FGF12: variants seen among roughly 807,000 people sequenced by gnomAD.
The protein encoded by FGF12 is fibroblast growth factor 12, also known as fibroblast growth factor 12B.
A neutral mutation model predicts 23.6 loss-of-function variants in FGF12; 14 were observed. The ratio of observed to expected loss-of-function variants is 0.59; its 90% CI spans 0.39 to 0.93. The LOEUF (loss-of-function observed/expected upper bound fraction) is 0.93, where lower values mean the gene tolerates loss of function less well. Ranked by LOEUF, FGF12 falls within the 40% of genes least tolerant of loss-of-function variation. FGF12 has a pLI of 0.00. For synonymous variants in FGF12, 62 were observed against 77.3 expected (o/e 0.80, Z 1.04); for missense variants, 175 against 217.8 (o/e 0.80, Z 1.24).
chr3:192,690,445 C>T (rs897867799), intron 2 of FGF12, among the ~76,000 whole-genome samples: 4 of 151,820 alleles, frequency 2.6e-5, no homozygotes, highest in Non-Finnish European at 5.9e-5. Flanking sequence ...AAAGCTTTGC[C>T]TGTGATCAAA....
chr3:192,196,271 A>T (rs1396469638), intron 4 of FGF12, among the ~76,000 whole-genome samples: 1 of 152,178 alleles, frequency 6.6e-6, no homozygotes, highest in Non-Finnish European at 1.5e-5. Flanking sequence ...GGATGAAAAA[A>T]GAGTCCATCA....
chr3:192,506,343 T>C (rs1253181692), intron 2 of FGF12, among the ~76,000 whole-genome samples: 1 of 152,190 alleles, frequency 6.6e-6, no homozygotes, highest in Non-Finnish European at 1.5e-5. Flanking sequence ...GAACATAGTT[T>C]ATTCTTTTTT....
At chr3:192,644,951 A>T (rs1460110485) in intron 2 of FGF12, among the ~76,000 whole-genome samples, 2 of 152,164 alleles carry the variant, frequency 1.3e-5, no homozygotes, top group African/African-American at 4.8e-5. Context: ...GCAGAATCTT[A>T]AAAAAATGAC....
At position 192,365,655 on chromosome 3, in the gene FGF12, C is replaced by T. The variant is rs145313747; in HGVS notation, c.14-5117G>A. Among the ~76,000 whole-genome samples, 1,354 of 152,158 alleles carry T rather than the reference C, an allele frequency of 8.9e-3. 6 individuals carry two copies. The highest frequency in any genetic ancestry group is 0.015 in the Non-Finnish European group (1,013 of 67,982). Reference sequence around the variant, plus strand: ...GTAATAAATGTTTTCCTCAAAGAGGCTGAGTGACAAGGAAGGTAAAGGATG... The same window carrying T: ...GTAATAAATGTTTTCCTCAAAGAGGTTGAGTGACAAGGAAGGTAAAGGATG... On this transcript the variant is annotated intron_variant, in intron 2 of 5. Transcript: ENST00000445105.
intron 2 of FGF12, among the ~76,000 whole-genome samples, chr3:192,370,731 T>C (rs1399973641): frequency 6.6e-6 from 1 of 152,174 alleles, no homozygotes; most frequent in Non-Finnish European, 1.5e-5. Flanking sequence ...AGCTATTCCA[T>C]ATAAGAAGGA....
chr3:192,338,339 T>C (rs775151909), intron 3 of FGF12, among the ~76,000 whole-genome samples: 2 of 152,114 alleles, frequency 1.3e-5, no homozygotes, highest in Admixed American at 6.6e-5. Flanking sequence ...TGTCTCGGCC[T>C]CCCCTTTTTG....
At chr3:192,416,525 A>T (rs941446247) in intron 2 of FGF12, among the ~76,000 whole-genome samples, 1 of 152,140 alleles carries the variant, frequency 6.6e-6, no homozygotes, top group African/African-American at 2.4e-5. Flanking sequence ...TGAACAGATC[A>T]GCAGATGAGT....
chr3:192,193,845 T>C (rs1716926988), intron 4 of FGF12, among the ~76,000 whole-genome samples: 1 of 152,182 alleles, frequency 6.6e-6, no homozygotes, highest in Non-Finnish European at 1.5e-5. Flanking sequence ...CAGGAATACT[T>C]CTGGCCTGTC....
At chr3:192,346,695 C>CA (rs1319565485) in intron 3 of FGF12, among the ~76,000 whole-genome samples, 1 of 152,066 alleles carries the variant, frequency 6.6e-6, no homozygotes, top group African/African-American at 2.4e-5. Flanking sequence ...TGTGAAAACT[C>CA]AATCATTTTG....
intron 2 of FGF12, among the ~76,000 whole-genome samples, chr3:192,378,360 C>T (rs1223348939): frequency 6.7e-6 from 1 of 150,086 alleles, no homozygotes; most frequent in African/African-American, 2.5e-5. Flanking sequence ...ATCCACCCAC[C>T]TCAGCCTCCC....
At chr3:192,437,162 G>A (rs1275949715) in intron 2 of FGF12, among the ~76,000 whole-genome samples, 1 of 152,138 alleles carries the variant, frequency 6.6e-6, no homozygotes, top group African/African-American at 2.4e-5. Context: ...TGGGAAAATG[G>A]AGGAAATAAA....
chr3:192,230,025 T>G (rs66745221), intron 4 of FGF12, among the ~76,000 whole-genome samples: 10,618 of 152,174 alleles, frequency 0.07, 391 homozygotes, highest in South Asian at 0.082. Context: ...CTAACATCTT[T>G]CTACTTAAGC....
intron 2 of FGF12, among the ~76,000 whole-genome samples, chr3:192,491,653 T>C (rs1050181944): frequency 1.3e-5 from 2 of 152,154 alleles, no homozygotes; most frequent in African/African-American, 4.8e-5. Context: ...TCAAGAGACT[T>C]AATGTATATG....
At chr3:192,534,841 AATAAG>A (rs1330067713) in intron 2 of FGF12, among the ~76,000 whole-genome samples, 9 of 152,316 alleles carry the variant, frequency 5.9e-5, no homozygotes, top group Admixed American at 1.3e-4. Flanking sequence ...ATTTAATAAT[AATAAG>A]ATAACTATTT....
rs142484005 is a variant in FGF12, at chr3:192,315,406, A to C, written c.228+19955T>G. 5.9e-3 allele frequency among the ~76,000 whole-genome samples: 906 copies of C among 152,274 alleles called. 12 individuals are homozygous for C. Among genetic ancestry groups the C allele is most frequent in the African/African-American group, 0.021 (862 of 41,552 alleles). ...TATTCCTTTCAAATTTCTACTGAAA[A>C]ATCCACTGATTTCCCCTTTGCATTT... On this transcript the variant is annotated intron_variant, in intron 4 of 5. Coordinates refer to ENST00000445105, the MANE Select transcript of FGF12 (RefSeq NM_004113.6).
intron 5 of FGF12, among the ~76,000 whole-genome samples, chr3:192,161,477 ATAACTT>A (rs1235461704): frequency 2.0e-5 from 3 of 150,196 alleles, no homozygotes; most frequent in Admixed American, 6.7e-5. Context: ...ACTAAATTGA[ATAACTT>A]TAAGGAATGA....
chr3:192,323,072 C>T (rs1287571763), intron 4 of FGF12, among the ~76,000 whole-genome samples: 1 of 152,138 alleles, frequency 6.6e-6, no homozygotes, highest in Non-Finnish European at 1.5e-5. Flanking sequence ...CAGGCAACTT[C>T]AAAGCCTGGC....
chr3:192,714,410 AG>A (rs1225041374), intron 2 of FGF12, among the ~76,000 whole-genome samples: 1 of 152,138 alleles, frequency 6.6e-6, no homozygotes, highest in African/African-American at 2.4e-5. Flanking sequence ...GATGAGTTTG[AG>A]AAAATTCATA....
intron 2 of FGF12, among the ~76,000 whole-genome samples, chr3:192,575,295 CAA>C (rs1712825738): frequency 6.6e-6 from 1 of 152,158 alleles, no homozygotes; most frequent in Non-Finnish European, 1.5e-5. Context: ...CAAAATTTGT[CAA>C]ATTGTACATT....
Sources: allele counts gnomAD v4.1 joint callset (sites outside exome capture counted in the v4.1 genomes callset), GRCh38; gene constraint gnomAD v4.1.1; transcripts MANE v1.5; gene names NCBI Gene and HGNC (gene_info 2026-07-23, HGNC 2026-07-21).